The following ANKRA2 variants were observed in gnomAD, a reference collection of about 807,000 sequenced individuals.
The protein encoded by ANKRA2 is ankyrin repeat family A member 2.
A neutral mutation model predicts 37.8 loss-of-function variants in ANKRA2; 33 were observed. That is an observed-to-expected ratio of 0.87 (90% confidence interval 0.66 to 1.17). The LOEUF (loss-of-function observed/expected upper bound fraction) is 1.17, where lower values mean the gene tolerates loss of function less well. Ranked by LOEUF, ANKRA2 falls within the 50% of genes most tolerant of loss-of-function variation. The pLI is 0.00. For missense variants in ANKRA2, 326 were observed against 373.7 expected (o/e 0.87, Z 1.05); for synonymous variants, 126 against 132.3 (o/e 0.95, Z 0.33).
At chr5:73,560,992 T>C in intron 3 of ANKRA2, 138 bp downstream of exon 3, 1 of 889,148 alleles carries the variant, frequency 1.1e-6, no homozygotes, top group Non-Finnish European at 1.6e-6. Flanking sequence ...TTTTTTAAGG[T>C]TGAATAGTAT....
intron 5 of ANKRA2, 54 bp from the exon 6 acceptor site, chr5:73,555,040 T>A: frequency 7.6e-6 from 12 of 1,571,380 alleles, no homozygotes; most frequent in Non-Finnish European, 1.0e-5. Context: ...ACAAGAATAT[T>A]GTTATTCCTG....
Position 73,554,982 on chromosome 5 carries a change from G to A in ANKRA2, c.617C>T (p.Ala206Val), listed in dbSNP as rs1251556399. The A allele has an allele frequency of 6.2e-7, 1 of 1,612,004 alleles. No individual in the cohort carries two copies. The highest frequency in any genetic ancestry group is 8.5e-7 in the Non-Finnish European group (1 of 1,179,310). ...AVVEFLLQNG[A>V]DPQLLGKGRE... ...ACCTTTTCCTAAAAGTTGGGGATCA[G>A]CACCCTGGTATGGGAAGTAGAGATA... The change falls in exon 6 of 9, where the codon GCT becomes GTT. Residue 206 changes from alanine to valine, a missense_variant. By Grantham distance (64) the Ala-to-Val change is moderately conservative (BLOSUM62 0). Coordinates refer to ENST00000296785, the MANE Select transcript of ANKRA2 (RefSeq NM_023039.5).
intron 1 of ANKRA2, 31 bp from the exon 2 acceptor site, chr5:73,563,016 T>C: frequency 1.3e-6 from 1 of 788,006 alleles, no homozygotes; most frequent in Non-Finnish European, 1.9e-6. Context: ...ATTAAAAGTA[T>C]TCTATCAGCT....
chr5:73,561,144 G>T lies in ANKRA2; in HGVS notation c.434C>A (p.Pro145His). Reference protein sequence around the residue: ...KHRGNEVSTTPLLANSLSVHQ... With the variant: ...KHRGNEVSTTHLLANSLSVHQ... The stretch of plus-strand genomic sequence containing the variant: ...CAAATACTTACAATTTGCTAACAGA[G>T]GTGTGGTAGAGACCTCATTTCCTCT... The change falls in exon 3 of 9, where the codon CCT becomes CAT. Residue 145 changes from proline (P) to histidine (H), a missense_variant. Physicochemically the swap from Pro to His is moderately conservative, Grantham distance 77. Transcript: ENST00000296785. The T allele has an allele frequency of 6.2e-7, 1 of 1,612,024 alleles. No homozygotes were observed. Among genetic ancestry groups the T allele is most frequent in the Non-Finnish European group, 8.5e-7 (1 of 1,179,522 alleles).
At chr5:73,561,070 G>C (rs1490817690) in intron 3 of ANKRA2, 60 bp downstream of exon 3, 2 of 1,474,428 alleles carry the variant, frequency 1.4e-6, no homozygotes, top group Non-Finnish European at 1.8e-6. Flanking sequence ...ATGTTTTAAA[G>C]TCAAACTCTT....
intron 4 of ANKRA2, among the ~76,000 whole-genome samples, chr5:73,556,725 GA>G (rs1687627315): frequency 1.3e-5 from 2 of 151,582 alleles, no homozygotes; most frequent in Non-Finnish European, 2.9e-5. Flanking sequence ...ACAACAACAA[GA>G]AAAAAAGCTA....
chr5:73,558,566 G>A (rs904564872), intron 3 of ANKRA2, among the ~76,000 whole-genome samples: 21 of 152,162 alleles, frequency 1.4e-4, no homozygotes, highest in East Asian at 5.8e-4. Flanking sequence ...ACAGGGTCTC[G>A]CTTTATCACC....
chr5:73,559,153 G>T (rs1398808082), intron 3 of ANKRA2, among the ~76,000 whole-genome samples: 2 of 152,162 alleles, frequency 1.3e-5, no homozygotes, highest in Non-Finnish European at 2.9e-5. Context: ...CTACAGGTGG[G>T]ATGAGAGTCC....
chr5:73,555,105 G>C (rs1747363683), intron 5 of ANKRA2, 119 bp from the exon 6 acceptor site: 1 of 1,461,946 alleles, frequency 6.8e-7, no homozygotes, highest in East Asian at 2.5e-5. Context: ...GCTTAATAAA[G>C]AAATAATGGA....
chr5:73,565,018 G>A (rs1052169692), intron 1 of ANKRA2, 114 bp downstream of exon 1: 3 of 152,156 alleles, frequency 2.0e-5, no homozygotes, highest in East Asian at 1.9e-4. Context: ...GAGATAAAGT[G>A]GGCAGCTATG....
At position 73,562,795 on chromosome 5, in the gene ANKRA2, G is replaced by A. The variant is rs749084384; in HGVS notation, c.87C>T (p.Asp29=). ...PSTYSLTGMP[D]IKIEHPLDPN... is the part of the protein sequence containing the mutation. ...GGTCCAGTGGATGTTCTATTTTAAT[G>A]TCTGGCATGCCAGTTAGGCTATAAG... The change falls in exon 2 of 9, where the codon GAC becomes GAT. Residue 29 remains aspartate, a synonymous_variant. Coordinates refer to ENST00000296785, the MANE Select transcript of ANKRA2 (RefSeq NM_023039.5). The A allele has an allele frequency of 3.2e-5, 52 of 1,614,030 alleles. No homozygotes were observed. The South Asian group carries it at 5.4e-4, about 17-fold the overall frequency.
chr5:73,552,717 A>C lies in ANKRA2; in HGVS notation c.*80T>G. 7.2e-7 allele frequency: 1 copy of C among 1,380,442 alleles called. No individual in the cohort carries two copies. Among genetic ancestry groups the C allele is most frequent in the Non-Finnish European group, 1.0e-6 (1 of 988,610 alleles). 85.5% of individuals were successfully genotyped at this position (1,380,442 alleles called of 1,614,324 possible). A position where few individuals can be genotyped will look rare whatever the true frequency, so the allele number is the denominator to read the frequency against. Reference sequence around the variant, plus strand: ...ACCAGTAAATATTGCAACTGAGGTAAAAATTTATAAGTAAACAAAACTATC... The same window carrying C: ...ACCAGTAAATATTGCAACTGAGGTACAAATTTATAAGTAAACAAAACTATC... On this transcript the variant is annotated 3_prime_UTR_variant, in exon 9 of 9. Transcript: ENST00000296785.
At position 73,565,494 on chromosome 5, in the gene ANKRA2, T is replaced by C. The variant is rs753261567; in HGVS notation, c.-467A>G. On this transcript the variant is annotated 5_prime_UTR_variant, in exon 1 of 9. Transcript: ENST00000296785. Reference sequence around the variant, plus strand: ...TTCCGCAGCAATGCAGCTGAAACTTTCGGGTTTTCTTTTTTTTGTCCCTCT... The same window carrying C: ...TTCCGCAGCAATGCAGCTGAAACTTCCGGGTTTTCTTTTTTTTGTCCCTCT... 2.0e-5 allele frequency: 5 copies of C among 254,512 alleles called. No individual in the cohort carries two copies. The highest frequency in any genetic ancestry group is 4.0e-5 in the Non-Finnish European group (5 of 125,910). 15.8% of individuals were successfully genotyped at this position (254,512 alleles called of 1,614,324 possible). A position where few individuals can be genotyped will look rare whatever the true frequency, so the allele number is the denominator to read the frequency against.
intron 4 of ANKRA2, among the ~76,000 whole-genome samples, chr5:73,556,820 T>A (rs567908522): frequency 2.0e-5 from 3 of 151,944 alleles, no homozygotes; most frequent in East Asian, 3.9e-4. Context: ...ACTTAAAAAA[T>A]GTAAATGAAA....
chr5:73,564,583 C>A (rs1392970093), intron 1 of ANKRA2, among the ~76,000 whole-genome samples: 1 of 152,164 alleles, frequency 6.6e-6, no homozygotes, highest in African/African-American at 2.4e-5. Flanking sequence ...CTCCCAACAT[C>A]GCTACTAACT....
chr5:73,552,349 T>A lies in ANKRA2; in HGVS notation c.*448A>T, dbSNP rs931220003. On this transcript the variant is annotated 3_prime_UTR_variant, in exon 9 of 9. Coordinates refer to ENST00000296785, the MANE Select transcript of ANKRA2 (RefSeq NM_023039.5). ...AGTATGCAAACTGACAGAAGAAGTA[T>A]TTTATTTATTTATAATATCATTTTG... The A allele has an allele frequency of 6.5e-6, 1 of 152,864 alleles. No individual in the cohort carries two copies. The highest frequency in any genetic ancestry group is 1.5e-5 in the Non-Finnish European group (1 of 68,248). 9.5% of individuals were successfully genotyped at this position (152,864 alleles called of 1,614,324 possible). A position where few individuals can be genotyped will look rare whatever the true frequency, so the allele number is the denominator to read the frequency against.
intron 1 of ANKRA2, 115 bp from the exon 2 acceptor site, chr5:73,563,100 T>C (rs774714113): frequency 1.8e-5 from 7 of 390,770 alleles, no homozygotes; most frequent in African/African-American, 8.1e-5. Context: ...CTACACATAA[T>C]AGAAAGAATA....
Position 73,557,874 on chromosome 5 carries a change from C to T in ANKRA2, c.449-234G>A, listed in dbSNP as rs554380425. ...GGTGGATCACTTGAGGTCAGGAGTT[C>T]GAGACCAGCCTGGCCAACGTGGCAA... On this transcript the variant is annotated intron_variant, in intron 3 of 8. Coordinates refer to ENST00000296785, the MANE Select transcript of ANKRA2 (RefSeq NM_023039.5). Among the ~76,000 whole-genome samples the T allele has an allele frequency of 3.3e-5, 5 of 151,976 alleles. No homozygotes were observed. In the South Asian group the frequency reaches 6.3e-4, roughly 19 times the overall value.
chr5:73,553,473 A>G lies in ANKRA2; in HGVS notation c.819T>C (p.Asp273=). 6.2e-7 allele frequency: 1 copy of G among 1,613,082 alleles called. No individual in the cohort carries two copies. The highest frequency in any genetic ancestry group is 8.5e-7 in the Non-Finnish European group (1 of 1,179,300). The change falls in exon 8 of 9, where the codon GAT becomes GAC. Residue 273 remains aspartate, a synonymous_variant. Transcript: ENST00000296785. ...ATCCAGAGTCAGTTTCAATTGTTGGATCAGCCCCACTTTCTATACCAAAAT... is the reference window on the plus strand; with the variant it reads ...ATCCAGAGTCAGTTTCAATTGTTGGGTCAGCCCCACTTTCTATACCAAAAT... The part of the protein sequence containing the change: ...CVKMLLESGA[D]PTIETDSGYN...
Sources: allele counts gnomAD v4.1 joint callset (sites outside exome capture counted in the v4.1 genomes callset), GRCh38; gene constraint gnomAD v4.1.1; transcripts MANE v1.5; gene names NCBI Gene and HGNC (gene_info 2026-07-23, HGNC 2026-07-21).